OXCT1: variants seen among roughly 807,000 people sequenced by gnomAD.
OXCT1 encodes the protein 3-oxoacid CoA-transferase 1.
Under a neutral mutation model 69.6 loss-of-function variants are expected in OXCT1, and 27 were observed. That is an observed-to-expected ratio of 0.39 (90% CI 0.29 to 0.54). The LOEUF (loss-of-function observed/expected upper bound fraction) is 0.54, where lower values mean the gene tolerates loss of function less well. OXCT1 is among the 20% of genes least tolerant of loss of function. The probability of loss-of-function intolerance (pLI) is 0.72; values close to 1 mark genes in which losing one functional copy is unlikely to be tolerated. For missense variants in OXCT1, 437 were observed against 650.2 expected (o/e 0.67, Z 3.57); for synonymous variants, 202 against 217.8 (o/e 0.93, Z 0.64).
chr5:41,734,802 A>G (rs1451543209), intron 16 of OXCT1, among the ~76,000 whole-genome samples: 1 of 152,248 alleles, frequency 6.6e-6, no homozygotes, highest in Non-Finnish European at 1.5e-5. Context: ...TGAAATGGAA[A>G]AGAACATTCA....
intron 7 of OXCT1, among the ~76,000 whole-genome samples, chr5:41,833,278 A>G (rs1748186524): frequency 6.6e-6 from 1 of 152,222 alleles, no homozygotes; most frequent in Non-Finnish European, 1.5e-5. Flanking sequence ...AAGAAACAAC[A>G]GACAACAGAG....
At chr5:41,869,244 G>A (rs553293312) in intron 1 of OXCT1, among the ~76,000 whole-genome samples, 1 of 152,216 alleles carries the variant, frequency 6.6e-6, no homozygotes, top group South Asian at 2.1e-4. Flanking sequence ...ATTGGATGCA[G>A]GAAAGAGCAA....
intron 15 of OXCT1, among the ~76,000 whole-genome samples, chr5:41,744,607 T>G (rs1309190026): frequency 6.6e-6 from 1 of 152,188 alleles, no homozygotes; most frequent in African/African-American, 2.4e-5. Context: ...GGGTTTGTCA[T>G]AGATAGCTCT....
chr5:41,735,839 C>G (rs1742859506), intron 16 of OXCT1, among the ~76,000 whole-genome samples: 1 of 152,216 alleles, frequency 6.6e-6, no homozygotes, highest in South Asian at 2.1e-4. Flanking sequence ...CAGCATGACT[C>G]TTCCTCTTCA....
Position 41,730,875 on chromosome 5 carries a change from G to A in OXCT1, c.*854C>T, listed in dbSNP as rs2111953151. On this transcript the variant is annotated 3_prime_UTR_variant, in exon 17 of 17. Coordinates refer to ENST00000196371, the MANE Select transcript of OXCT1 (RefSeq NM_000436.4). Reference sequence around the variant, plus strand: ...TCTGAACCAAAACAAGAGCCTGAAAGTAAAACACCTTTTATTTTTTAACTC... The same window carrying A: ...TCTGAACCAAAACAAGAGCCTGAAAATAAAACACCTTTTATTTTTTAACTC... 1 of 152,296 alleles carries A rather than the reference G, an allele frequency of 6.6e-6. No homozygotes were observed. The highest frequency in any genetic ancestry group is 1.5e-5 in the Non-Finnish European group (1 of 68,024). 9.4% of individuals were successfully genotyped at this position (152,296 alleles called of 1,614,324 possible).
intron 2 of OXCT1, among the ~76,000 whole-genome samples, chr5:41,862,432 G>T (rs115233244): frequency 2.6e-5 from 4 of 151,682 alleles, no homozygotes; most frequent in African/African-American, 7.3e-5. Context: ...ACACATGCAC[G>T]CACACAGAGA....
rs986847130 is a variant in OXCT1, at chr5:41,739,254, C to G, written c.1521+136G>C. The G allele has an allele frequency of 4.3e-6, 3 of 693,252 alleles. No homozygotes were observed. In the African/African-American group the frequency reaches 5.3e-5, roughly 12 times the overall value. The allele number at this position is 693,252 out of a possible 1,614,324, so 42.9% of individuals were successfully genotyped here. A position where few individuals can be genotyped will look rare whatever the true frequency, so the allele number is the denominator to read the frequency against. ...CCACCTGCTCTCATCTAGAGGCACC[C>G]TTCCTTCTACTCCTGTTCACTGTAA... On this transcript the variant is annotated intron_variant, in intron 16 of 16. Transcript: ENST00000196371.
In OXCT1 at chr5:41,861,397, C is replaced by A. The variant is rs764035107; in HGVS notation, c.195G>T (p.Gly65=). The change falls in exon 3 of 17, where the codon GGG becomes GGT. Residue 65 remains glycine (G), a synonymous_variant. Coordinates refer to ENST00000196371, the MANE Select transcript of OXCT1 (RefSeq NM_000436.4). ...DGATVLVGGF[G]LCGIPENLID... The stretch of plus-strand genomic sequence containing the variant: ...TAAGATTCTCTGGAATTCCACATAG[C>A]CCAAAACCTATATTAAGCCCAAAAA... 6.2e-7 allele frequency: 1 copy of A among 1,607,230 alleles called. No homozygotes were observed. Among genetic ancestry groups the A allele is most frequent in the Non-Finnish European group, 8.5e-7 (1 of 1,174,158 alleles).
chr5:41,739,588 G>A (rs898206739), intron 15 of OXCT1, 97 bp from the exon 16 acceptor site: 14 of 898,194 alleles, frequency 1.6e-5, no homozygotes, highest in South Asian at 4.0e-5. Flanking sequence ...CGACGAGGTC[G>A]GGTGTGGTGG....
chr5:41,848,584 A>T (rs1054344426), intron 5 of OXCT1, among the ~76,000 whole-genome samples: 17 of 148,084 alleles, frequency 1.1e-4, no homozygotes, highest in South Asian at 4.3e-4. Flanking sequence ...ACCAAAACAG[A>T]GATATAGATC....
rs1750239577 is a variant in OXCT1 at position 41,870,376 on chromosome 5, G to A, written c.-18C>T. The A allele has an allele frequency of 1.2e-6, 2 of 1,605,870 alleles. No homozygotes were observed. Among genetic ancestry groups the A allele is most frequent in the Non-Finnish European group, 1.7e-6 (2 of 1,174,576 alleles). On this transcript the variant is annotated 5_prime_UTR_variant, in exon 1 of 17. Coordinates refer to ENST00000196371, the MANE Select transcript of OXCT1 (RefSeq NM_000436.4). The surrounding 1 kb of genome is among the most constrained non-coding windows in gnomAD (Gnocchi z 4.2). Reference sequence around the variant, plus strand: ...GCCGCCATCTTCGGGCGGTGAGGCAGGAGGAGGCTGCGGGTTGGAGCGCGC... The same window carrying A: ...GCCGCCATCTTCGGGCGGTGAGGCAAGAGGAGGCTGCGGGTTGGAGCGCGC...
chr5:41,776,220 T>A (rs968062339), intron 13 of OXCT1, among the ~76,000 whole-genome samples: 1 of 152,148 alleles, frequency 6.6e-6, no homozygotes, highest in Non-Finnish European at 1.5e-5. Flanking sequence ...AGTTAATACT[T>A]CAAGACTGAC....
intron 14 of OXCT1, among the ~76,000 whole-genome samples, chr5:41,761,187 C>T (rs1349404806): frequency 6.6e-6 from 1 of 152,058 alleles, no homozygotes; most frequent in Non-Finnish European, 1.5e-5. Context: ...AAGCTCAGTT[C>T]GTCCAAAGAC....
chr5:41,751,061 T>A (rs1415593951), intron 14 of OXCT1, among the ~76,000 whole-genome samples: 2 of 152,140 alleles, frequency 1.3e-5, no homozygotes. Context: ...AAAGCTTCAT[T>A]TTCACTTCAC....
At chr5:41,867,486 A>C (rs1750046063) in intron 1 of OXCT1, among the ~76,000 whole-genome samples, 1 of 152,254 alleles carries the variant, frequency 6.6e-6, no homozygotes, top group South Asian at 2.1e-4. Flanking sequence ...GACAGCACTG[A>C]GGAACATTTC....
chr5:41,751,852 C>A (rs1372194934), intron 14 of OXCT1, among the ~76,000 whole-genome samples: 1 of 152,066 alleles, frequency 6.6e-6, no homozygotes, highest in Non-Finnish European at 1.5e-5. Context: ...CCTGTTAGAA[C>A]AATGGAGCTA....
chr5:41,781,094 G>T (rs1017588146), intron 13 of OXCT1, among the ~76,000 whole-genome samples: 19 of 151,932 alleles, frequency 1.3e-4, no homozygotes, highest in African/African-American at 4.6e-4. Context: ...TAGTAGAGAC[G>T]GGGTTTCACC....
intron 6 of OXCT1, among the ~76,000 whole-genome samples, 193 bp from the exon 7 acceptor site, chr5:41,840,704 T>TAAAG (rs1748588651): frequency 6.6e-6 from 1 of 152,238 alleles, no homozygotes; most frequent in South Asian, 2.1e-4. Context: ...ATAACTACTT[T>TAAAG]ATTCAATGTA....
chr5:41,855,011 A>G (rs541283080), intron 3 of OXCT1, among the ~76,000 whole-genome samples: 7 of 152,240 alleles, frequency 4.6e-5, no homozygotes, highest in African/African-American at 7.2e-5. Flanking sequence ...ATTATGGCCA[A>G]AATTGGAGCC....
Sources: gnomAD v4.1 joint callset for allele counts (sites outside exome capture counted in the v4.1 genomes callset) on GRCh38, gnomAD v4.1.1 for gene constraint, Gnocchi (gnomAD v3.1) non-coding constraint, MANE v1.5 for transcripts, NCBI Gene and HGNC (gene_info 2026-07-23, HGNC 2026-07-21) for gene names.